CLGN: variants seen among roughly 807,000 people sequenced by gnomAD.
The protein encoded by CLGN is calmegin.
In CLGN, 62 loss-of-function variants were observed where a neutral mutation model predicts 79.1. That is an observed-to-expected ratio of 0.78 (90% CI 0.64 to 0.97). The LOEUF (loss-of-function observed/expected upper bound fraction) is 0.97, where lower values mean the gene tolerates loss of function less well. Among genes scored for constraint, CLGN ranks in the 50% least tolerant of loss-of-function variants. CLGN has a pLI of 0.00. For missense variants in CLGN, 647 were observed against 715.5 expected (o/e 0.90, Z 1.09); for synonymous variants, 225 against 224.7 (o/e 1.00, Z -0.01).
chr4:140,418,183 C>T (rs1182511833), intron 1 of CLGN, among the ~76,000 whole-genome samples: 4 of 152,076 alleles, frequency 2.6e-5, no homozygotes, highest in Non-Finnish European at 4.4e-5. Context: ...CTTCCTTACA[C>T]CTTACACAAA....
At chr4:140,405,781 A>AT (rs1417852251) in intron 5 of CLGN, among the ~76,000 whole-genome samples, 161 bp downstream of exon 5, 10 of 151,256 alleles carry the variant, frequency 6.6e-5, no homozygotes, top group African/African-American at 2.5e-4. Context: ...TATTGAAAGC[A>AT]TGGATATGTT....
intron 1 of CLGN, among the ~76,000 whole-genome samples, chr4:140,418,150 T>G (rs1476497973): frequency 6.6e-6 from 1 of 151,964 alleles, no homozygotes; most frequent in Non-Finnish European, 1.5e-5. Flanking sequence ...GCTAGCCATA[T>G]GTAGAAAGCT....
At position 140,397,891 on chromosome 4, in the gene CLGN, G is replaced by A. The variant is rs577894692; in HGVS notation, c.884+960C>T. Among the ~76,000 whole-genome samples, 32 of 152,220 alleles carry A rather than the reference G, an allele frequency of 2.1e-4. 1 individual carries two copies. In the South Asian group the frequency reaches 5.2e-3, roughly 25 times the overall value. On this transcript the variant is annotated intron_variant, in intron 8 of 14. Coordinates refer to ENST00000325617, the MANE Select transcript of CLGN (RefSeq NM_004362.3). ...TGCATTCTAACCTGGGTGACAGAGCGAGATTCCATCTCAAACAAAAACAAA... is the reference window on the plus strand; with the variant it reads ...TGCATTCTAACCTGGGTGACAGAGCAAGATTCCATCTCAAACAAAAACAAA...
intron 1 of CLGN, among the ~76,000 whole-genome samples, chr4:140,415,049 CA>C (rs1421034614): frequency 6.6e-6 from 1 of 151,996 alleles, no homozygotes; most frequent in Non-Finnish European, 1.5e-5. Flanking sequence ...CAATATTCAA[CA>C]TTCTTAAAGA....
At chr4:140,392,853 C>A in intron 11 of CLGN, 142 bp from the exon 12 acceptor site, 2 of 660,394 alleles carry the variant, frequency 3.0e-6, no homozygotes, top group Admixed American at 3.9e-5. Context: ...TTCATTTTCC[C>A]ACCTTATACT....
intron 7 of CLGN, among the ~76,000 whole-genome samples, chr4:140,399,483 A>G (rs1482849491): frequency 6.6e-6 from 1 of 152,222 alleles, no homozygotes; most frequent in Non-Finnish European, 1.5e-5. Context: ...TGTTCCCCCA[A>G]ATGCCTAGTT....
intron 10 of CLGN, among the ~76,000 whole-genome samples, chr4:140,395,153 T>G: frequency 1.1e-5 from 1 of 90,068 alleles, no homozygotes; most frequent in East Asian, 2.8e-4. Context: ...GGTTTTTTGT[T>G]TTTTTGTTTT....
chr4:140,418,003 G>A (rs962359329), intron 1 of CLGN, among the ~76,000 whole-genome samples: 4 of 152,106 alleles, frequency 2.6e-5, no homozygotes, highest in African/African-American at 4.8e-5. Context: ...CCAAAACAGA[G>A]ATATGGATCA....
chr4:140,401,922 A>G, intron 6 of CLGN, 63 bp downstream of exon 6: 1 of 886,410 alleles, frequency 1.1e-6, no homozygotes, highest in Non-Finnish European at 1.7e-6. Flanking sequence ...CAGTTTTATC[A>G]TTTGTTCCTT....
chr4:140,398,870 C>T lies in CLGN; in HGVS notation c.865G>A (p.Ala289Thr). The change falls in exon 8 of 15, where the codon GCC becomes ACC. Residue 289 changes from alanine (A) to threonine (T), a missense_variant. Physicochemically the swap from Ala to Thr is moderately conservative, Grantham distance 58. Coordinates refer to ENST00000325617, the MANE Select transcript of CLGN (RefSeq NM_004362.3). ...GCTTACCAGTCTTCTGGTTTGACGGCAGAAGGATCAGGAATTTTTGCTCTT... is the reference window on the plus strand; with the variant it reads ...GCTTACCAGTCTTCTGGTTTGACGGTAGAAGGATCAGGAATTTTTGCTCTT... ...DERAKIPDPSAVKPEDWDESE... is the reference protein window; with the variant it reads ...DERAKIPDPSTVKPEDWDESE... 5 of 1,613,866 alleles carry T rather than the reference C, an allele frequency of 3.1e-6. No homozygotes were observed. The South Asian group carries it at 4.4e-5, about 14-fold the overall frequency.
intron 5 of CLGN, among the ~76,000 whole-genome samples, chr4:140,404,804 A>G (rs1225658075): frequency 2.0e-5 from 3 of 151,792 alleles, no homozygotes; most frequent in Admixed American, 6.6e-5. Context: ...ACAGTCGGGC[A>G]CCACCATGCC....
At chr4:140,427,272 C>T (rs940015450) in intron 1 of CLGN, among the ~76,000 whole-genome samples, 3 of 152,174 alleles carry the variant, frequency 2.0e-5, no homozygotes, top group Non-Finnish European at 4.4e-5. Flanking sequence ...CAGGTGGATG[C>T]GGCGGTGCTG....
intron 1 of CLGN, among the ~76,000 whole-genome samples, chr4:140,421,150 T>C (rs2126634819): frequency 6.6e-6 from 1 of 152,292 alleles, no homozygotes; most frequent in South Asian, 2.1e-4. Flanking sequence ...TTTTTAAAGC[T>C]GGACAGTATT....
intron 1 of CLGN, among the ~76,000 whole-genome samples, chr4:140,413,942 G>A (rs1729268525): frequency 6.6e-6 from 1 of 152,256 alleles, no homozygotes; most frequent in South Asian, 2.1e-4. Flanking sequence ...AACCTCTGCA[G>A]ACTTAAACGT....
intron 1 of CLGN, among the ~76,000 whole-genome samples, chr4:140,415,334 A>G (rs1264836956): frequency 1.3e-5 from 2 of 150,894 alleles, no homozygotes; most frequent in Non-Finnish European, 3.0e-5. Flanking sequence ...TGACAGGATC[A>G]AATTCACACA....
chr4:140,395,968 T>A lies in CLGN; in HGVS notation c.1000A>T (p.Asn334Tyr). The change falls in exon 10 of 15, where the codon AAT becomes TAT. Residue 334 changes from asparagine (N) to tyrosine (Y), a missense_variant and splice_region_variant. Transcript: ENST00000325617. ...TCCCATTCTCCATCCGTGTCTTCATTCCTTAGGATATTAAAACAAAGCAAA... is the reference window on the plus strand; with the variant it reads ...TCCCATTCTCCATCCGTGTCTTCATACCTTAGGATATTAAAACAAAGCAAA... ...DPNAEKPDDW[N>Y]EDTDGEWEAP... 3 of 1,596,770 alleles carry A rather than the reference T, an allele frequency of 1.9e-6. No individual in the cohort carries two copies. Among genetic ancestry groups the A allele is most frequent in the Non-Finnish European group, 2.6e-6 (3 of 1,173,574 alleles).
intron 13 of CLGN, 56 bp from the exon 14 acceptor site, chr4:140,390,784 G>A: frequency 8.4e-7 from 1 of 1,184,288 alleles, no homozygotes; most frequent in South Asian, 1.5e-5. Flanking sequence ...TTTTGCTACT[G>A]AAAAGTATTA....
intron 8 of CLGN, 70 bp from the exon 9 acceptor site, chr4:140,396,275 G>A: frequency 1.7e-6 from 2 of 1,197,060 alleles, no homozygotes; most frequent in Non-Finnish European, 1.2e-6. Context: ...ACACTAAGAA[G>A]GTACCATAAA....
At chr4:140,426,011 C>T (rs139260531) in intron 1 of CLGN, among the ~76,000 whole-genome samples, 61 of 152,274 alleles carry the variant, frequency 4.0e-4, no homozygotes, top group African/African-American at 1.4e-3. Flanking sequence ...TGCTGTTATT[C>T]AGTTTTAATG....
Sources: allele counts gnomAD v4.1 joint callset (sites outside exome capture counted in the v4.1 genomes callset), GRCh38; gene constraint gnomAD v4.1.1; transcripts MANE v1.5; gene names NCBI Gene and HGNC (gene_info 2026-07-23, HGNC 2026-07-21).